The following GLMN variants were observed in gnomAD, a reference collection of about 807,000 sequenced individuals.
GLMN encodes glomulin, FKBP associated protein.
GLMN carries 75 observed loss-of-function variants against 87.8 expected under a neutral mutation model. The ratio of observed to expected loss-of-function variants is 0.85; its 90% CI spans 0.71 to 1.04. The LOEUF (loss-of-function observed/expected upper bound fraction) is 1.04. GLMN is among the 50% of genes least tolerant of loss of function. The probability of loss-of-function intolerance (pLI) is 0.00; values close to 1 mark genes in which losing one functional copy is unlikely to be tolerated. For synonymous variants in GLMN, 206 were observed against 221.6 expected (o/e 0.93, Z 0.63); for missense variants, 588 against 658.8 (o/e 0.89, Z 1.18).
At chr1:92,283,742 TC>T (rs1648376033) in intron 7 of GLMN, among the ~76,000 whole-genome samples, 1 of 152,176 alleles carries the variant, frequency 6.6e-6, no homozygotes, top group Non-Finnish European at 1.5e-5. Context: ...GCCCAAAATC[TC>T]CTTAAGCTGC....
At chr1:92,367,855 G>A in the GLMN span, among the ~76,000 whole-genome samples, 141 of 152,224 alleles carry the variant, frequency 9.3e-4, 1 homozygote, top group African/African-American at 3.0e-3. Context: ...CTGCCTACTC[G>A]TTTGATTTTG....
the GLMN span, among the ~76,000 whole-genome samples, chr1:92,356,169 G>T: frequency 6.6e-6 from 1 of 151,724 alleles, no homozygotes; most frequent in African/African-American, 2.4e-5. Context: ...GTAGAGACGG[G>T]GTTTCACCAT....
chr1:92,268,045 A>G, intron 10 of GLMN, 43 bp from the exon 11 acceptor site: 1 of 1,387,784 alleles, frequency 7.2e-7, no homozygotes, highest in African/African-American at 1.4e-5. Flanking sequence ...AGTGAAGTCA[A>G]CAGCTGTTAT....
chr1:92,332,790 C>T, the GLMN span, among the ~76,000 whole-genome samples: 2 of 152,156 alleles, frequency 1.3e-5, no homozygotes, highest in East Asian at 3.8e-4. Context: ...ATTAGAAAAA[C>T]TGCTCAATTT....
chr1:92,259,556 C>T (rs537145831), intron 16 of GLMN, among the ~76,000 whole-genome samples: 2 of 151,952 alleles, frequency 1.3e-5, no homozygotes, highest in African/African-American at 4.8e-5. Context: ...GAATGTGATT[C>T]TCTTCTTAAT....
chr1:92,363,053 C>T, the GLMN span, among the ~76,000 whole-genome samples: 3 of 152,090 alleles, frequency 2.0e-5, no homozygotes, highest in Non-Finnish European at 4.4e-5. Flanking sequence ...AAAATCTATA[C>T]TCCTTCTCCA....
At position 92,295,402 on chromosome 1, in the gene GLMN, T is replaced by A. The variant is rs116653555; in HGVS notation, c.165+2002A>T. On this transcript the variant is annotated intron_variant, in intron 3 of 18. Coordinates refer to ENST00000370360, the MANE Select transcript of GLMN (RefSeq NM_053274.3). Reference sequence around the variant, plus strand: ...CAGATATGTGTCTCAGAGATCTACATCTTAATTCCTCTATCTCTACTGAGC... The same window carrying A: ...CAGATATGTGTCTCAGAGATCTACAACTTAATTCCTCTATCTCTACTGAGC... 1.9e-3 allele frequency among the ~76,000 whole-genome samples: 277 copies of A among 148,570 alleles called. 2 individuals are homozygous for A. Among genetic ancestry groups the A allele is most frequent in the Non-Finnish European group, 3.1e-3 (209 of 66,526 alleles).
chr1:92,289,848 G>T (rs1294260946), intron 5 of GLMN, among the ~76,000 whole-genome samples: 2 of 152,176 alleles, frequency 1.3e-5, no homozygotes. Flanking sequence ...AATGCTATCA[G>T]ATTTAGTACT....
At position 92,263,705 on chromosome 1, in the gene GLMN, C is replaced by T; in HGVS notation, c.1327G>A (p.Gly443Arg). ...KRTRNNKWFT[G>R]PQLISLLDLV... is the part of the protein sequence containing the mutation. ...TCAAGAAGGGAAATCAACTGTGGTC[C>T]TGTAAACCATTTGTTGTTACGTGTT... The change falls in exon 15 of 19, where the codon GGA (glycine) becomes AGA (arginine). Residue 443 changes from glycine (G) to arginine (R), a missense_variant. Transcript: ENST00000370360. The T allele has an allele frequency of 1.3e-6, 2 of 1,594,060 alleles. No homozygotes were observed. The highest frequency in any genetic ancestry group is 2.2e-5 in the South Asian group (2 of 90,674).
chr1:92,260,621 A>T (rs1654906917), intron 16 of GLMN, among the ~76,000 whole-genome samples: 1 of 150,308 alleles, frequency 6.7e-6, no homozygotes, highest in Non-Finnish European at 1.5e-5. Context: ...TCTCAAGAAA[A>T]AAAAGAAGTG....
At chr1:92,248,229 ATTAACTTG>A (rs1174514680) in intron 16 of GLMN, 1 of 378,948 alleles carries the variant, frequency 2.6e-6, no homozygotes, top group Admixed American at 4.3e-5. Flanking sequence ...TTTGAGATCT[ATTAACTTG>A]TTAAGTTTTA....
the GLMN span, among the ~76,000 whole-genome samples, chr1:92,305,834 T>G: frequency 6.6e-6 from 1 of 152,190 alleles, no homozygotes; most frequent in East Asian, 1.9e-4. Context: ...TTTTTGCAAC[T>G]AGTGGGAATG....
intron 5 of GLMN, among the ~76,000 whole-genome samples, 167 bp from the exon 6 acceptor site, chr1:92,289,318 C>T (rs1277479066): frequency 1.3e-5 from 2 of 152,116 alleles, no homozygotes; most frequent in Non-Finnish European, 2.9e-5. Flanking sequence ...CTTAGTTGTG[C>T]ATAAAATAAT....
the GLMN span, chr1:92,304,361 G>A: frequency 6.9e-7 from 1 of 1,451,838 alleles, no homozygotes; most frequent in Non-Finnish European, 9.4e-7. Flanking sequence ...TGAGTTTAAA[G>A]GCTTTCATTG....
At chr1:92,249,708 A>G (rs940349025) in intron 16 of GLMN, among the ~76,000 whole-genome samples, 3 of 152,122 alleles carry the variant, frequency 2.0e-5, no homozygotes, top group Non-Finnish European at 4.4e-5. Flanking sequence ...GTAATGTGCT[A>G]TCAAGCAATA....
chr1:92,269,901 G>A lies in GLMN; in HGVS notation c.924-125C>T, dbSNP rs1656059262. 8.9e-6 allele frequency: 6 copies of A among 672,604 alleles called. No homozygotes were observed. In the Middle Eastern group the frequency reaches 1.2e-3, roughly 140 times the overall value. 41.7% of individuals were successfully genotyped at this position (672,604 alleles called of 1,614,324 possible). A position where few individuals can be genotyped will look rare whatever the true frequency, so the allele number is the denominator to read the frequency against. On this transcript the variant is annotated intron_variant, in intron 8 of 18. Transcript: ENST00000370360. ...AGATATGTTGGAGTCCTAACCTCTAGTACCTCAGAATTTGACCTTATTTGG... is the reference window on the plus strand; with the variant it reads ...AGATATGTTGGAGTCCTAACCTCTAATACCTCAGAATTTGACCTTATTTGG...
chr1:92,302,589 A>ATTT, upstream of GLMN, among the ~76,000 whole-genome samples: 1 of 92,268 alleles, frequency 1.1e-5, no homozygotes, highest in South Asian at 4.2e-4. Flanking sequence ...TTCCGCATTA[A>ATTT]ATTTTTTTTT....
At chr1:92,338,686 A>C in the GLMN span, among the ~76,000 whole-genome samples, 1 of 145,554 alleles carries the variant, frequency 6.9e-6, no homozygotes, top group African/African-American at 2.6e-5. Context: ...GGTCTTGCTC[A>C]GTTGCCCAGG....
chr1:92,250,159 G>C (rs184079317), intron 16 of GLMN, among the ~76,000 whole-genome samples: 157 of 145,048 alleles, frequency 1.1e-3, no homozygotes, highest in African/African-American at 4.1e-3. Flanking sequence ...TTTGACAAAA[G>C]GAAACCTTTG....
Sources: gnomAD v4.1 joint callset for allele counts (sites outside exome capture counted in the v4.1 genomes callset) on GRCh38, gnomAD v4.1.1 for gene constraint, MANE v1.5 for transcripts, NCBI Gene and HGNC (gene_info 2026-07-23, HGNC 2026-07-21) for gene names.